The following WWOX variants were observed in gnomAD, a reference collection of about 807,000 sequenced individuals.
WWOX encodes the protein WW domain-containing oxidoreductase.
A neutral mutation model predicts 46.2 loss-of-function variants in WWOX; 69 were observed. That is an observed-to-expected ratio of 1.49 (90% CI 1.23 to 1.82). The LOEUF (loss-of-function observed/expected upper bound fraction) is 1.82, where lower values mean the gene tolerates loss of function less well. WWOX is among the 40% of genes most tolerant of loss of function. The pLI, the probability that WWOX is intolerant of heterozygous loss-of-function variation, is 0.00. For synonymous variants in WWOX, 359 were observed against 202.6 expected (o/e 1.77, Z -6.56); for missense variants, 919 against 542.6 (o/e 1.69, Z -6.89).
intron 8 of WWOX, among the ~76,000 whole-genome samples, chr16:78,936,553 A>G (rs2045741785): frequency 6.6e-6 from 1 of 152,164 alleles, no homozygotes; most frequent in Non-Finnish European, 1.5e-5. Flanking sequence ...GCTTTCTGGT[A>G]AGAATTTCAG....
At chr16:79,018,783 C>T (rs1313789421) in intron 8 of WWOX, among the ~76,000 whole-genome samples, 1 of 152,120 alleles carries the variant, frequency 6.6e-6, no homozygotes, top group Non-Finnish European at 1.5e-5. Context: ...AAATACAGTG[C>T]TTTGAAATTT....
chr16:78,798,276 T>A (rs773992926), intron 8 of WWOX, among the ~76,000 whole-genome samples: 3 of 151,224 alleles, frequency 2.0e-5, no homozygotes, highest in Non-Finnish European at 2.9e-5. Flanking sequence ...TCAAAAAGAG[T>A]AGAAGTCAGG....
intron 8 of WWOX, among the ~76,000 whole-genome samples, chr16:78,594,990 A>G (rs1246755854): frequency 6.6e-6 from 1 of 152,212 alleles, no homozygotes; most frequent in Non-Finnish European, 1.5e-5. Context: ...ACTGTTGAAG[A>G]CTTGTGGAAA....
chr16:78,698,953 T>C (rs1338159899), intron 8 of WWOX, among the ~76,000 whole-genome samples: 1 of 152,224 alleles, frequency 6.6e-6, no homozygotes. Flanking sequence ...ATTTGTACAT[T>C]TAAAATAGAA....
chr16:78,769,592 G>C (rs7201295), intron 8 of WWOX, among the ~76,000 whole-genome samples: 1 of 141,000 alleles, frequency 7.1e-6, no homozygotes, highest in Admixed American at 7.5e-5. Context: ...TTTTTACCAT[G>C]TCTGTTACTC....
intron 5 of WWOX, among the ~76,000 whole-genome samples, chr16:78,234,797 A>C (rs1383575215): frequency 4.7e-5 from 2 of 42,972 alleles, no homozygotes; most frequent in Admixed American, 3.0e-4. Context: ...AAAACAAAAA[A>C]ACAACAAAAA....
intron 8 of WWOX, among the ~76,000 whole-genome samples, chr16:78,751,368 T>C (rs2049471447): frequency 6.7e-6 from 1 of 149,264 alleles, no homozygotes; most frequent in African/African-American, 2.4e-5. Context: ...CAGAGGTGTA[T>C]AGTAACACAC....
At chr16:78,909,493 T>C (rs922884360) in intron 8 of WWOX, among the ~76,000 whole-genome samples, 7 of 152,346 alleles carry the variant, frequency 4.6e-5, no homozygotes, top group African/African-American at 1.7e-4. Context: ...TCCTGAAAAG[T>C]GTGCACGGTT....
intron 8 of WWOX, among the ~76,000 whole-genome samples, chr16:79,104,474 T>C (rs35433497): frequency 0.041 from 6,293 of 152,294 alleles, 234 homozygotes; most frequent in Non-Finnish European, 0.053. Flanking sequence ...GTAAAACAAA[T>C]AATATTTTAA....
chr16:78,560,509 C>T (rs760956016), intron 8 of WWOX, among the ~76,000 whole-genome samples: 8 of 151,922 alleles, frequency 5.3e-5, no homozygotes, highest in Non-Finnish European at 1.0e-4. Context: ...CCGGGTGTGG[C>T]GGTGCATGCC....
intron 8 of WWOX, among the ~76,000 whole-genome samples, chr16:78,499,524 C>T (rs1046346257): frequency 6.6e-6 from 1 of 152,218 alleles, no homozygotes; most frequent in African/African-American, 2.4e-5. Context: ...CTGCAGATTA[C>T]TCATCAGCTG....
At chr16:78,512,266 T>G (rs773395946) in intron 8 of WWOX, among the ~76,000 whole-genome samples, 5 of 152,216 alleles carry the variant, frequency 3.3e-5, no homozygotes, top group Admixed American at 1.3e-4. Flanking sequence ...TCCTGTAAAT[T>G]TGCATTTATG....
At chr16:78,666,228 A>G (rs1423220809) in intron 8 of WWOX, among the ~76,000 whole-genome samples, 2 of 152,236 alleles carry the variant, frequency 1.3e-5, no homozygotes, top group East Asian at 2.0e-4. Flanking sequence ...TCAAGGCTGT[A>G]TAGTAAACTG....
chr16:78,370,232 G>A (rs902463431), intron 5 of WWOX, among the ~76,000 whole-genome samples: 5 of 151,676 alleles, frequency 3.3e-5, no homozygotes, highest in Non-Finnish European at 7.4e-5. Flanking sequence ...TTACAATCTG[G>A]GGCAAGTTAG....
chr16:78,539,046 C>G (rs890315496), intron 8 of WWOX, among the ~76,000 whole-genome samples: 2 of 152,328 alleles, frequency 1.3e-5, no homozygotes, highest in Non-Finnish European at 2.9e-5. Context: ...ATGGAAGCAT[C>G]TCATGGCAGC....
intron 8 of WWOX, among the ~76,000 whole-genome samples, chr16:78,820,920 A>G (rs1028695759): frequency 6.6e-6 from 1 of 151,996 alleles, no homozygotes; most frequent in African/African-American, 2.4e-5. Flanking sequence ...CCTCCCTTAC[A>G]TCACCTTCTC....
intron 8 of WWOX, among the ~76,000 whole-genome samples, chr16:78,844,993 A>C (rs2052260199): frequency 6.6e-6 from 1 of 152,230 alleles, no homozygotes; most frequent in African/African-American, 2.4e-5. Context: ...CCAGCCTGAA[A>C]GGCTGTCTCC....
chr16:78,863,111 C>T (rs890153617), intron 8 of WWOX, among the ~76,000 whole-genome samples: 1 of 151,942 alleles, frequency 6.6e-6, no homozygotes, highest in Admixed American at 6.6e-5. Context: ...GGCGCCACCA[C>T]CAAGCCTGGC....
rs114452575 is a variant in WWOX at position 78,987,745 on chromosome 16, A to T, written c.1057-223863A>T. The stretch of plus-strand genomic sequence containing the variant: ...ATGAGAGTTGCGATATGTCGGCCCA[A>T]ACTCTCTGTGTCCTTTTCTTCTTGG... On this transcript the variant is annotated intron_variant, in intron 8 of 8. Transcript: ENST00000566780. Among the ~76,000 whole-genome samples, 874 of 152,240 alleles carry T rather than the reference A, an allele frequency of 5.7e-3. 4 individuals are homozygous for T. The highest frequency in any genetic ancestry group is 0.021 in the African/African-American group (853 of 41,536).
Sources: gnomAD v4.1 joint callset for allele counts (sites outside exome capture counted in the v4.1 genomes callset) on GRCh38, gnomAD v4.1.1 for gene constraint, MANE v1.5 for transcripts, NCBI Gene and HGNC (gene_info 2026-07-23, HGNC 2026-07-21) for gene names.